Variants in NFIX observed in about 807,000 individuals in gnomAD.
NFIX encodes the protein nuclear factor 1 X-type.
A neutral mutation model predicts 53.3 loss-of-function variants in NFIX; 2 were observed. The ratio of observed to expected loss-of-function variants is 0.04; its 90% CI spans 0.02 to 0.12. The LOEUF is 0.12. NFIX is among the 10% of genes least tolerant of loss of function. NFIX has a pLI of 1.00. For synonymous variants in NFIX, 244 were observed against 289.0 expected (o/e 0.84, Z 1.58); for missense variants, 310 against 674.5 (o/e 0.46, Z 5.99).
chr19:13,001,267 G>C lies in NFIX; in HGVS notation c.27+5403G>C, dbSNP rs1039248001. ...AGCCACCATTTTCCCGAGGATGTCT[G>C]TGTGGCAGCGTGTGTCTGCCCGGGT... is the stretch of plus-strand genomic sequence containing the variant. On this transcript the variant is annotated intron_variant, in intron 1 of 10. Transcript: ENST00000592199. The surrounding 1 kb of genome is among the most constrained non-coding windows in gnomAD (Gnocchi z 6.5). 6.6e-6 allele frequency among the ~76,000 whole-genome samples: 1 copy of C among 152,184 alleles called. No homozygotes were observed. The highest frequency in any genetic ancestry group is 1.5e-5 in the Non-Finnish European group (1 of 68,032).
intron 1 of NFIX, among the ~76,000 whole-genome samples, chr19:13,003,488 C>G (rs1045962507): frequency 3.9e-5 from 6 of 152,144 alleles, no homozygotes; most frequent in Admixed American, 1.3e-4. Flanking sequence ...AAAACACACA[C>G]ATGAGCACCG....
rs1209643619 is a variant in NFIX, at chr19:13,081,920, G to A, written c.1254+65G>A. 6.3e-7 allele frequency: 1 copy of A among 1,575,750 alleles called. No homozygotes were observed. The highest frequency in any genetic ancestry group is 8.6e-7 in the Non-Finnish European group (1 of 1,156,354). ...TCTCCACATCTATCTGTCTGTCTCAGGGCTCACAGGGAGAGGGCCCAAAAG... is the reference window on the plus strand; with the variant it reads ...TCTCCACATCTATCTGTCTGTCTCAAGGCTCACAGGGAGAGGGCCCAAAAG... On this transcript the variant is annotated intron_variant, in intron 8 of 10. Coordinates refer to ENST00000592199, the MANE Select transcript of NFIX (RefSeq NM_001365902.3). This position sits in a 1 kb window ranked among gnomAD's most constrained non-coding sequence, Gnocchi z 4.7.
intron 2 of NFIX, among the ~76,000 whole-genome samples, chr19:13,059,818 C>G (rs1469710606): frequency 8.7e-6 from 1 of 114,508 alleles, no homozygotes; most frequent in South Asian, 3.1e-4. Flanking sequence ...GAGTCTCACT[C>G]TGTATCCCAA....
In NFIX at chr19:13,093,093, C is replaced by T. The variant is rs1028728095; in HGVS notation, c.1495-1542C>T. Among the ~76,000 whole-genome samples the T allele has an allele frequency of 1.3e-5, 2 of 152,228 alleles. No individual in the cohort carries two copies. The highest frequency in any genetic ancestry group is 2.4e-5 in the African/African-American group (1 of 41,452). On this transcript the variant is annotated intron_variant, in intron 10 of 10. Transcript: ENST00000592199. The surrounding 1 kb of genome is among the most constrained non-coding windows in gnomAD (Gnocchi z 4.7). The stretch of plus-strand genomic sequence containing the variant: ...TGTCCATTGTGGTAGCCACGGGCCA[C>T]GTGTGGCTGTTTACATTTAAATTAT...
At chr19:13,044,802 G>A (rs1003926889) in intron 2 of NFIX, among the ~76,000 whole-genome samples, 3 of 152,214 alleles carry the variant, frequency 2.0e-5, no homozygotes, top group Non-Finnish European at 2.9e-5. Flanking sequence ...CGTCTCCACC[G>A]TCAGGACTGA....
chr19:13,004,724 C>T (rs118041580), intron 1 of NFIX, among the ~76,000 whole-genome samples: 12,515 of 152,184 alleles, frequency 0.082, 688 homozygotes, highest in Non-Finnish European at 0.12. Context: ...CTGCCCAGGA[C>T]ACTCGCAGTC....
At chr19:13,083,080 C>T (rs375911977) in intron 8 of NFIX, among the ~76,000 whole-genome samples, 37 of 152,338 alleles carry the variant, frequency 2.4e-4, no homozygotes, top group Admixed American at 8.5e-4. Context: ...TCCCTTTGCC[C>T]ATCGAGGGTT....
At chr19:12,999,295 C>T (rs1178968953) in intron 1 of NFIX, among the ~76,000 whole-genome samples, 2 of 151,788 alleles carry the variant, frequency 1.3e-5, no homozygotes, top group African/African-American at 2.4e-5. Context: ...GCCTCAGCTT[C>T]CCGAGTAGCT....
chr19:13,026,902 T>G (rs1346446960), intron 2 of NFIX, among the ~76,000 whole-genome samples: 1 of 152,204 alleles, frequency 6.6e-6, no homozygotes, highest in East Asian at 1.9e-4. Context: ...CTCTGTGTCT[T>G]TCTTCCTGTT....
intron 2 of NFIX, among the ~76,000 whole-genome samples, chr19:13,044,485 A>C (rs2014854679): frequency 1.3e-5 from 2 of 151,926 alleles, no homozygotes; most frequent in South Asian, 4.2e-4. Flanking sequence ...CTTAATTCAC[A>C]CCCCAACAAC....
chr19:13,061,562 A>C (rs1465082477), intron 2 of NFIX, among the ~76,000 whole-genome samples: 3 of 152,198 alleles, frequency 2.0e-5, no homozygotes, highest in South Asian at 2.1e-4. Flanking sequence ...TATGGCGTCC[A>C]GGAGTGCAGC....
intron 7 of NFIX, among the ~76,000 whole-genome samples, chr19:13,079,944 C>T (rs1404524042): frequency 1.3e-5 from 2 of 152,224 alleles, no homozygotes; most frequent in Admixed American, 6.5e-5. Flanking sequence ...GCCTAGGTGG[C>T]GGTGGCTGGG....
chr19:13,017,474 C>T (rs540535389), intron 1 of NFIX, among the ~76,000 whole-genome samples: 5 of 152,156 alleles, frequency 3.3e-5, no homozygotes, highest in East Asian at 3.8e-4. Flanking sequence ...GGTGCCAGGC[C>T]GATCTGAGGG....
Position 13,021,545 on chromosome 19 carries a change from C to T in NFIX, c.28-3476C>T, listed in dbSNP as rs1599731171. The stretch of plus-strand genomic sequence containing the variant: ...CACGAGTGAGCAGTGACCTTTTTTC[C>T]GTCGCCAGCTGAGGACTGAGCCTCG... On this transcript the variant is annotated intron_variant, in intron 1 of 10. Coordinates refer to ENST00000592199, the MANE Select transcript of NFIX (RefSeq NM_001365902.3). The surrounding 1 kb of genome is among the most constrained non-coding windows in gnomAD (Gnocchi z 4.2). 2.0e-5 allele frequency among the ~76,000 whole-genome samples: 3 copies of T among 152,138 alleles called. No homozygotes were observed. The highest frequency in any genetic ancestry group is 4.8e-5 in the African/African-American group (2 of 41,422).
chr19:13,002,398 C>G lies in NFIX; in HGVS notation c.27+6534C>G, dbSNP rs533740366. Among the ~76,000 whole-genome samples the G allele has an allele frequency of 6.6e-6, 1 of 152,268 alleles. No homozygotes were observed. The highest frequency in any genetic ancestry group is 2.4e-5 in the African/African-American group (1 of 41,562). On this transcript the variant is annotated intron_variant, in intron 1 of 10. Transcript: ENST00000592199. This position sits in a 1 kb window ranked among gnomAD's most constrained non-coding sequence, Gnocchi z 6.1. ...CCCCCCCTTCCTCACCACCTCCCCCCTCCCGAGGAGCCCCTCTGAGGGCGG... is the reference window on the plus strand; with the variant it reads ...CCCCCCCTTCCTCACCACCTCCCCCGTCCCGAGGAGCCCCTCTGAGGGCGG...
At position 13,081,511 on chromosome 19, in the gene NFIX, C is replaced by T. The variant is rs954267915; in HGVS notation, c.1079-169C>T. On this transcript the variant is annotated intron_variant, in intron 7 of 10. Coordinates refer to ENST00000592199, the MANE Select transcript of NFIX (RefSeq NM_001365902.3). The surrounding 1 kb of genome is among the most constrained non-coding windows in gnomAD (Gnocchi z 4.7). The stretch of plus-strand genomic sequence containing the variant: ...GTATTGCATTAAAACATCATGGATC[C>T]TGATGACTGACTTTTTTGTGCCGCC... Among the ~76,000 whole-genome samples, 4 of 152,064 alleles carry T rather than the reference C, an allele frequency of 2.6e-5. No homozygotes were observed. Among genetic ancestry groups the T allele is most frequent in the Non-Finnish European group, 5.9e-5 (4 of 68,004 alleles).
In NFIX at chr19:13,068,859, G is replaced by A. The variant is rs768012697; in HGVS notation, c.560-4188G>A. On this transcript the variant is annotated intron_variant, in intron 2 of 10. Transcript: ENST00000592199. The surrounding 1 kb of genome is among the most constrained non-coding windows in gnomAD (Gnocchi z 4.2). ...AGAGAAGGACAGCCCGCAGAGCTGC[G>A]TGTTTGTGTGACACGAGCCAGCCTG... is the stretch of plus-strand genomic sequence containing the variant. Among the ~76,000 whole-genome samples, 5 of 152,208 alleles carry A rather than the reference G, an allele frequency of 3.3e-5. No homozygotes were observed. Among genetic ancestry groups the A allele is most frequent in the Non-Finnish European group, 7.3e-5 (5 of 68,032 alleles).
At position 13,073,022 on chromosome 19, in the gene NFIX, T is replaced by G; in HGVS notation, c.560-25T>G. The G allele has an allele frequency of 6.2e-7, 1 of 1,612,190 alleles. No individual in the cohort carries two copies. The highest frequency in any genetic ancestry group is 8.5e-7 in the Non-Finnish European group (1 of 1,178,348). On this transcript the variant is annotated intron_variant, in intron 2 of 10. Transcript: ENST00000592199. This position sits in a 1 kb window ranked among gnomAD's most constrained non-coding sequence, Gnocchi z 4.5. ...TATGGGGAACTTTGCTCCTGATACA[T>G]TCTCCCCTTTTGTGTCTCCTGCAGA...
At chr19:13,076,381 C>G (rs953323514) in intron 6 of NFIX, among the ~76,000 whole-genome samples, 2 of 152,208 alleles carry the variant, frequency 1.3e-5, no homozygotes, top group Admixed American at 1.3e-4. Context: ...GAACCCACCC[C>G]CCTTCACCTC....
Sources: gnomAD v4.1 joint callset for allele counts (sites outside exome capture counted in the v4.1 genomes callset) on GRCh38, gnomAD v4.1.1 for gene constraint, Gnocchi (gnomAD v3.1) non-coding constraint, MANE v1.5 for transcripts, NCBI Gene and HGNC (gene_info 2026-07-23, HGNC 2026-07-21) for gene names.